REPS2: variants seen among roughly 807,000 people sequenced by gnomAD.
REPS2 encodes RALBP1 associated Eps domain containing 2, also known as ralBP1-associated Eps domain-containing protein 2.
Under a neutral mutation model 53.6 loss-of-function variants are expected in REPS2, and 23 were observed. That is an observed-to-expected ratio of 0.43 (90% CI 0.31 to 0.61). REPS2 has a LOEUF of 0.61. Among genes scored for constraint, REPS2 ranks in the 20% least tolerant of loss-of-function variants. REPS2 has a pLI of 0.11. For synonymous variants in REPS2, 238 were observed against 218.6 expected (o/e 1.09, Z -0.78); for missense variants, 446 against 534.9 (o/e 0.83, Z 1.64).
chrX:17,184,117 C>T, the REPS2 span, among the ~76,000 whole-genome samples: 96 of 107,807 alleles, frequency 8.9e-4, 1 homozygote, highest in East Asian at 0.02. Context: ...CATGCTGGTG[C>T]GCTGCACCCA....
At position 17,108,235 on chromosome X, in the gene REPS2, G is replaced by A. The variant is rs542382799; in HGVS notation, c.1578+4456G>A. Among the ~76,000 whole-genome samples the A allele has an allele frequency of 2.3e-4, 25 of 107,172 alleles. 1 individual carries two copies. Among genetic ancestry groups the A allele is most frequent in the African/African-American group, 1.4e-4 (4 of 29,204 alleles). 93.1% of individuals were successfully genotyped at this position (107,172 alleles called of 115,157 possible). ...GTTGCCCAGGCTGGAGTGCAATGGCGCGATCTTGGCTCACCGCAACCTCCA... is the reference window on the plus strand; with the variant it reads ...GTTGCCCAGGCTGGAGTGCAATGGCACGATCTTGGCTCACCGCAACCTCCA... On this transcript the variant is annotated intron_variant, in intron 14 of 17. Coordinates refer to ENST00000357277, the MANE Select transcript of REPS2 (RefSeq NM_004726.3).
At chrX:17,163,052 T>C in the REPS2 span, among the ~76,000 whole-genome samples, 1 of 112,347 alleles carries the variant, frequency 8.9e-6, no homozygotes, top group Non-Finnish European at 1.9e-5. Flanking sequence ...TTGGGCTTAT[T>C]AGACAAATAC....
At chrX:16,994,850 G>T (rs1165900435) in intron 1 of REPS2, among the ~76,000 whole-genome samples, 2 of 112,018 alleles carry the variant, frequency 1.8e-5, no homozygotes, top group Non-Finnish European at 3.8e-5. Flanking sequence ...TGTGGGTGGT[G>T]TCTGGCAGAG....
At chrX:16,969,397 C>T (rs1178540229) in intron 1 of REPS2, among the ~76,000 whole-genome samples, 3 of 110,460 alleles carry the variant, frequency 2.7e-5, no homozygotes, top group Non-Finnish European at 5.7e-5. Context: ...GAGGTTGTAG[C>T]GAGCCGAGAT....
At chrX:17,116,962 G>C (rs1050108869) in intron 14 of REPS2, among the ~76,000 whole-genome samples, 5 of 112,132 alleles carry the variant, frequency 4.5e-5, no homozygotes, top group African/African-American at 1.6e-4. Flanking sequence ...TTCAGTGGCT[G>C]TCTCTACCAA....
At chrX:17,182,242 G>T in the REPS2 span, among the ~76,000 whole-genome samples, 1 of 110,426 alleles carries the variant, frequency 9.1e-6, no homozygotes, top group Non-Finnish European at 1.9e-5. Flanking sequence ...AGCTGCCCAT[G>T]TAAGAAGTCT....
chrX:17,184,378 A>T, the REPS2 span, among the ~76,000 whole-genome samples: 2 of 105,788 alleles, frequency 1.9e-5, no homozygotes, highest in East Asian at 6.0e-4. Flanking sequence ...TTATGGCTGC[A>T]TAGTATTCCA....
At position 17,057,615 on chromosome X, in the gene REPS2, G is replaced by C. The variant is rs192440150; in HGVS notation, c.1114+2665G>C. The stretch of plus-strand genomic sequence containing the variant: ...CTTAGATGCTTGGAAGACTCTCATG[G>C]GTCCCAGGAATTAGCTTGCAATTGA... On this transcript the variant is annotated intron_variant, in intron 8 of 17. Transcript: ENST00000357277. Among the ~76,000 whole-genome samples, 4 of 112,810 alleles carry C rather than the reference G, an allele frequency of 3.5e-5. No homozygotes were observed. In the East Asian group the frequency reaches 1.1e-3, roughly 31 times the overall value.
chrX:17,121,341 C>T (rs2063139150), intron 14 of REPS2, among the ~76,000 whole-genome samples: 1 of 112,146 alleles, frequency 8.9e-6, no homozygotes, highest in Non-Finnish European at 1.9e-5. Flanking sequence ...GGGGGAAAGC[C>T]CCAATTTGCA....
the REPS2 span, among the ~76,000 whole-genome samples, chrX:17,181,155 C>T: frequency 3.1e-3 from 346 of 112,724 alleles, 1 homozygote; most frequent in African/African-American, 0.01. Flanking sequence ...AGACTTCTGG[C>T]CCTGCTCCTC....
intron 9 of REPS2, among the ~76,000 whole-genome samples, chrX:17,066,853 A>G (rs1389312875): frequency 8.9e-6 from 1 of 112,316 alleles, no homozygotes; most frequent in Admixed American, 9.4e-5. Flanking sequence ...AGCCTGGGCA[A>G]CAGAGCAGGA....
chrX:17,156,090 T>C (rs2063612247), downstream of REPS2, among the ~76,000 whole-genome samples: 1 of 111,951 alleles, frequency 8.9e-6, no homozygotes, highest in Non-Finnish European at 1.9e-5. Context: ...AAACTGTAAC[T>C]TCAAAGAACC....
chrX:17,071,910 G>A (rs909492407), intron 11 of REPS2, among the ~76,000 whole-genome samples: 1 of 112,042 alleles, frequency 8.9e-6, no homozygotes, highest in Non-Finnish European at 1.9e-5. Context: ...TGTTAGTGGA[G>A]CCTTAAGAGA....
At chrX:17,013,501 A>G (rs902952951) in intron 2 of REPS2, among the ~76,000 whole-genome samples, 1 of 111,184 alleles carries the variant, frequency 9.0e-6, no homozygotes, top group African/African-American at 3.3e-5. Flanking sequence ...AACCCTCCCT[A>G]TCTCTTAGGG....
chrX:17,061,954 C>A (rs2062163964), intron 8 of REPS2, among the ~76,000 whole-genome samples: 2 of 112,360 alleles, frequency 1.8e-5, no homozygotes, highest in Non-Finnish European at 3.8e-5. Flanking sequence ...TTCGTAAAAT[C>A]ATGTTGGGTG....
In REPS2 at chrX:16,957,967, A is replaced by C. The variant is rs1056305998; in HGVS notation, c.273+10833A>C. The stretch of plus-strand genomic sequence containing the variant: ...TCCTCGGGGCAAAATTTAGTTCTAC[A>C]TATATGATGATAAAAACCATGGTAG... On this transcript the variant is annotated intron_variant, in intron 1 of 17. Transcript: ENST00000357277. Among the ~76,000 whole-genome samples, 6 of 111,947 alleles carry C rather than the reference A, an allele frequency of 5.4e-5. No homozygotes were observed. In the Admixed American group the frequency reaches 5.7e-4, roughly 11 times the overall value.
chrX:17,042,319 G>C (rs2061841242), intron 5 of REPS2, among the ~76,000 whole-genome samples: 1 of 111,472 alleles, frequency 9.0e-6, no homozygotes, highest in Non-Finnish European at 1.9e-5. Context: ...GCTTCTACTT[G>C]GAAAGCTAAG....
chrX:17,181,594 A>G, the REPS2 span, among the ~76,000 whole-genome samples: 1 of 112,357 alleles, frequency 8.9e-6, no homozygotes, highest in African/African-American at 3.2e-5. Context: ...GGCCTAGCTC[A>G]GGAACAGTGC....
intron 1 of REPS2, among the ~76,000 whole-genome samples, chrX:16,968,149 G>T (rs762515884): frequency 9.0e-6 from 1 of 111,263 alleles, no homozygotes; most frequent in Non-Finnish European, 1.9e-5. Context: ...AGAGAGCACC[G>T]GGTTGGGGGT....
Sources: allele counts gnomAD v4.1 joint callset (sites outside exome capture counted in the v4.1 genomes callset), GRCh38; gene constraint gnomAD v4.1.1; transcripts MANE v1.5; gene names NCBI Gene and HGNC (gene_info 2026-07-23, HGNC 2026-07-21).